The following PAX2 variants were observed in gnomAD, a reference collection of about 807,000 sequenced individuals.
PAX2 encodes paired box 2.
Under a neutral mutation model 41.7 loss-of-function variants are expected in PAX2, and 9 were observed. The observed-to-expected ratio is 0.22, with a 90% CI of 0.13 to 0.38. The LOEUF is 0.38. Ranked by LOEUF, PAX2 falls within the 10% of genes least tolerant of loss-of-function variation. The pLI, the probability that PAX2 is intolerant of heterozygous loss-of-function variation, is 1.00. For missense variants in PAX2, 418 were observed against 531.6 expected, an observed-to-expected ratio of 0.79 and a Z score of 2.10; for synonymous variants, 221 against 212.7, an observed-to-expected ratio of 1.04 and a Z score of -0.34.
intron 5 of PAX2, among the ~76,000 whole-genome samples, chr10:100,800,345 C>T (rs1464395347): frequency 1.5e-5 from 2 of 135,452 alleles, no homozygotes; most frequent in Non-Finnish European, 3.0e-5. Context: ...GTGGCACTAT[C>T]TTAGCTCACT....
In PAX2 at chr10:100,750,747, A is replaced by G. The variant is rs1845410662; in HGVS notation, c.266A>G (p.Lys89Arg). 1 of 1,614,200 alleles carries G rather than the reference A, an allele frequency of 6.2e-7. No homozygotes were observed. The highest frequency in any genetic ancestry group is 8.5e-7 in the Non-Finnish European group (1 of 1,180,028). ...GGTGTGATCGGTGGCTCCAAGCCCA[A>G]AGTGGCGACGCCCAAAGTGGTGGAC... ...KPGVIGGSKP[K>R]VATPKVVDKI... The change falls in exon 3 of 10, where the codon AAA becomes AGA. Residue 89 changes from lysine (K) to arginine (R), a missense_variant. Lys to Arg is a conservative substitution (Grantham distance 26). This residue lies in a region of PAX2 where 108 missense variants were observed against 206.3 expected (regional missense o/e 0.52). Coordinates refer to ENST00000355243, the MANE Select transcript of PAX2 (RefSeq NM_000278.5). The surrounding 1 kb of genome is among the most constrained non-coding windows in gnomAD (Gnocchi z 4.1).
At chr10:100,786,919 TTGTC>T (rs1365901154) in intron 5 of PAX2, 1 of 1,353,004 alleles carries the variant, frequency 7.4e-7, no homozygotes, top group Non-Finnish European at 1.0e-6. Flanking sequence ...CTCTCAGTGT[TTGTC>T]TGTCTCTTAT....
chr10:100,801,629 C>T (rs1012208157), intron 5 of PAX2, among the ~76,000 whole-genome samples: 3 of 152,218 alleles, frequency 2.0e-5, no homozygotes, highest in African/African-American at 7.2e-5. Context: ...TTGGACCAGA[C>T]ATCCTCTAAT....
chr10:100,806,654 C>G (rs1428896405), intron 6 of PAX2, 49 bp downstream of exon 6: 1 of 1,546,958 alleles, frequency 6.5e-7, no homozygotes, highest in Admixed American at 1.7e-5. Context: ...GCCGGCAGAG[C>G]AAGGCCTCTC....
chr10:100,748,675 CCCAGTGGCCG>C lies in PAX2; in HGVS notation c.44-1068_44-1059del. ...ACAGGAAGCACCCTCAGGCCTGGCA[CCCAGTGGCCG>C]CCTCGGTTCCGAGATCGGGAGCCCG... On this transcript the variant is annotated intron_variant, in intron 1 of 9. Transcript: ENST00000355243. This position sits in a 1 kb window ranked among gnomAD's most constrained non-coding sequence, Gnocchi z 5.0. The C allele has an allele frequency of 1.0e-6, 1 of 985,458 alleles. No individual in the cohort carries two copies. The highest frequency in any genetic ancestry group is 1.7e-5 in the African/African-American group (1 of 57,372). 61.0% of individuals were successfully genotyped at this position (985,458 alleles called of 1,614,324 possible).
At chr10:100,765,265 T>C (rs1406577241) in intron 3 of PAX2, among the ~76,000 whole-genome samples, 2 of 152,224 alleles carry the variant, frequency 1.3e-5, no homozygotes, top group African/African-American at 2.4e-5. Context: ...CCCAAACTCA[T>C]GACAATGTGT....
intron 5 of PAX2, among the ~76,000 whole-genome samples, chr10:100,783,923 A>G (rs1442075751): frequency 6.6e-6 from 1 of 152,046 alleles, no homozygotes; most frequent in Non-Finnish European, 1.5e-5. Flanking sequence ...TCCTCTTACC[A>G]ACTCCTCTTG....
intron 5 of PAX2, chr10:100,786,844 G>A: frequency 1.6e-6 from 1 of 614,426 alleles, no homozygotes; most frequent in East Asian, 5.4e-5. Context: ...GCCCTTAGAA[G>A]GGGAGTCTGG....
At position 100,827,661 on chromosome 10, in the gene PAX2, G is replaced by T; in HGVS notation, c.*42G>T. 1 of 1,613,584 alleles carries T rather than the reference G, an allele frequency of 6.2e-7. No individual in the cohort carries two copies. The highest frequency in any genetic ancestry group is 8.5e-7 in the Non-Finnish European group (1 of 1,179,860). On this transcript the variant is annotated 3_prime_UTR_variant, in exon 10 of 10. Coordinates refer to ENST00000355243, the MANE Select transcript of PAX2 (RefSeq NM_000278.5). The surrounding 1 kb of genome is among the most constrained non-coding windows in gnomAD (Gnocchi z 8.5). ...ATCAAGCTTCAGGCCGACAGCTTCG[G>T]CCTCCACATCGTCCCCGTCTGACCC...
chr10:100,807,057 G>C (rs1847814719), intron 6 of PAX2, among the ~76,000 whole-genome samples: 1 of 152,038 alleles, frequency 6.6e-6, no homozygotes, highest in Admixed American at 6.5e-5. Flanking sequence ...CCAGTGTCAG[G>C]AGAGCCTGCC....
chr10:100,819,279 A>G (rs1848302086), intron 7 of PAX2, among the ~76,000 whole-genome samples: 1 of 149,136 alleles, frequency 6.7e-6, no homozygotes, highest in Non-Finnish European at 1.5e-5. Flanking sequence ...GTTTAAAAAC[A>G]TATCAATGGC....
intron 7 of PAX2, among the ~76,000 whole-genome samples, chr10:100,815,554 T>C (rs1385732135): frequency 2.0e-5 from 3 of 152,158 alleles, no homozygotes; most frequent in Non-Finnish European, 4.4e-5. Flanking sequence ...CCCAAGGACC[T>C]CCAGCCCCCA....
rs370598841 is a variant in PAX2 at position 100,738,688 on chromosome 10, T to A, written c.25+2955T>A. ...GTCTAGACCTAGCGGAGCGAACTCC[T>A]GGAACCTGAGGGATTTTTTTCTTTC... On this transcript the variant is annotated intron_variant, in intron 1 of 9. Transcript: ENST00000679374. Among the ~76,000 whole-genome samples the A allele has an allele frequency of 1.1e-3, 170 of 152,332 alleles. 3 individuals carry two copies. In the South Asian group the frequency reaches 0.033, roughly 29 times the overall value.
At chr10:100,754,447 G>A (rs1443645974) in intron 3 of PAX2, among the ~76,000 whole-genome samples, 1 of 152,188 alleles carries the variant, frequency 6.6e-6, no homozygotes, top group African/African-American at 2.4e-5. Context: ...GACCCTGGCA[G>A]AATCAACTTC....
chr10:100,777,398 C>CTTTTTTTTTTTTTTTTTTTT (rs56136871), intron 3 of PAX2, among the ~76,000 whole-genome samples: 1 of 121,936 alleles, frequency 8.2e-6, no homozygotes, highest in Non-Finnish European at 1.7e-5. Flanking sequence ...CGCATCTGGC[C>CTTTTTTTTTTTTTTTTTTTT]TTTTTTTTTT....
chr10:100,765,969 T>C (rs1846013087), intron 3 of PAX2, among the ~76,000 whole-genome samples: 1 of 152,186 alleles, frequency 6.6e-6, no homozygotes, highest in African/African-American at 2.4e-5. Flanking sequence ...AAGTGCTTAC[T>C]ACAGTAGGAA....
At position 100,827,839 on chromosome 10, in the gene PAX2, G is replaced by GCCCGCCGCCCCCAGC; in HGVS notation, c.*227_*241dup. On this transcript the variant is annotated 3_prime_UTR_variant, in exon 10 of 10. Coordinates refer to ENST00000355243, the MANE Select transcript of PAX2 (RefSeq NM_000278.5). This position sits in a 1 kb window ranked among gnomAD's most constrained non-coding sequence, Gnocchi z 8.5. ...CCGTGGGCGGGACCCTCAGGCCCGG[G>GCCCGCCGCCCCCAGC]CCCGCCGCCCCCAGCCCCGCCTGCC... 1 of 646,874 alleles carries GCCCGCCGCCCCCAGC rather than the reference G, an allele frequency of 1.5e-6. No individual in the cohort carries two copies. 40.1% of individuals were successfully genotyped at this position (646,874 alleles called of 1,614,324 possible).
In PAX2 at chr10:100,775,134, T is replaced by G. The variant is rs559821555; in HGVS notation, c.411-4364T>G. On this transcript the variant is annotated intron_variant, in intron 3 of 9. Coordinates refer to ENST00000355243, the MANE Select transcript of PAX2 (RefSeq NM_000278.5). Reference sequence around the variant, plus strand: ...GGGTCCCAGCTGCACCCTCCAGGGATCTATATCCAGAACTTGACCTTCCAG... The same window carrying G: ...GGGTCCCAGCTGCACCCTCCAGGGAGCTATATCCAGAACTTGACCTTCCAG... Among the ~76,000 whole-genome samples, 100 of 152,260 alleles carry G rather than the reference T, an allele frequency of 6.6e-4. 3 individuals are homozygous for G. The South Asian group carries it at 0.02, about 30-fold the overall frequency.
chr10:100,806,923 T>C (rs79269299), intron 6 of PAX2, among the ~76,000 whole-genome samples: 10,399 of 152,166 alleles, frequency 0.068, 532 homozygotes, highest in African/African-American at 0.13. Flanking sequence ...TCAAGTCCCT[T>C]CTAGCTCCGC....
Sources: allele counts gnomAD v4.1 joint callset (sites outside exome capture counted in the v4.1 genomes callset), GRCh38; gene constraint gnomAD v4.1.1; regional missense constraint gnomAD v4.1.1; non-coding constraint Gnocchi (gnomAD v3.1); transcripts MANE v1.5; gene names NCBI Gene and HGNC (gene_info 2026-07-23, HGNC 2026-07-21).